Variants in PKHD1 observed in about 807,000 individuals in gnomAD.
PKHD1 encodes the protein PKHD1 ciliary IPT domain containing fibrocystin/polyductin.
In PKHD1, 291 loss-of-function variants were observed where a neutral mutation model predicts 412.0. The ratio of observed to expected loss-of-function variants is 0.71; its 90% CI spans 0.64 to 0.78. PKHD1 has a LOEUF of 0.78. PKHD1 is among the 30% of genes least tolerant of loss of function. The pLI is 0.00. For synonymous variants in PKHD1, 1,777 were observed against 1,821.5 expected, an observed-to-expected ratio of 0.98 and a Z score of 0.62; for missense variants, 4,825 against 4,950.7, an observed-to-expected ratio of 0.97 and a Z score of 0.76.
intron 46 of PKHD1, among the ~76,000 whole-genome samples, chr6:51,872,722 T>A (rs745508745): frequency 2.6e-5 from 4 of 152,098 alleles, no homozygotes; most frequent in Admixed American, 6.5e-5. Flanking sequence ...TTAAAACTAT[T>A]CAGCCTCAAG....
rs6921856 is a variant in PKHD1 at position 51,772,442 on chromosome 6, G to C, written c.8642+260C>G. ...AATTCATATATTTTAAGATTTTATGGACAGCAATAATTATGTATTATCTAA... is the reference window on the plus strand; with the variant it reads ...AATTCATATATTTTAAGATTTTATGCACAGCAATAATTATGTATTATCTAA... On this transcript the variant is annotated intron_variant, in intron 55 of 66. Transcript: ENST00000371117. Among the ~76,000 whole-genome samples the C allele has an allele frequency of 0.18, 27,941 of 151,406 alleles. 3,370 individuals are homozygous for C. The highest frequency in any genetic ancestry group is 0.34 in the African/African-American group (14,209 of 41,322).
chr6:51,979,017 C>T (rs1246146431), intron 35 of PKHD1, among the ~76,000 whole-genome samples: 1 of 152,150 alleles, frequency 6.6e-6, no homozygotes, highest in Non-Finnish European at 1.5e-5. Flanking sequence ...CCATTAATAT[C>T]AAGTTTACAG....
At chr6:51,686,183 C>A (rs1777413886) in intron 60 of PKHD1, among the ~76,000 whole-genome samples, 1 of 152,018 alleles carries the variant, frequency 6.6e-6, no homozygotes, top group Admixed American at 6.6e-5. Context: ...GGTTTTTGAA[C>A]CCTTAACTCA....
chr6:51,822,168 G>A (rs150313272), intron 52 of PKHD1, among the ~76,000 whole-genome samples: 144 of 152,274 alleles, frequency 9.5e-4, no homozygotes, highest in African/African-American at 3.4e-3. Flanking sequence ...TTAAAAGTCT[G>A]CTCATGGGCA....
rs750272645 is a variant in PKHD1 at position 51,619,292 on chromosome 6, T to G, written c.12014A>C (p.Gln4005Pro). The G allele has an allele frequency of 1.4e-5, 23 of 1,614,148 alleles. No individual in the cohort carries two copies. Among genetic ancestry groups the G allele is most frequent in the Non-Finnish European group, 1.9e-5 (22 of 1,180,050 alleles). ...GCCTGCCAGCTGGTATCTGAGCAACTGCTCTTGGCCCTCCTTCCAGTTCCC... is the reference window on the plus strand; with the variant it reads ...GCCTGCCAGCTGGTATCTGAGCAACGGCTCTTGGCCCTCCTTCCAGTTCCC... Reference protein sequence around the residue: ...ETGNWKEGQEQLLRYQLAGQN... With the variant: ...ETGNWKEGQEPLLRYQLAGQN... Residue 4005 changes from glutamine to proline, a missense_variant, in exon 67 of 67, where the codon CAG (glutamine) becomes CCG (proline). Gln to Pro is a moderately conservative substitution (Grantham distance 76, BLOSUM62 -1). Coordinates refer to ENST00000371117, the MANE Select transcript of PKHD1 (RefSeq NM_138694.4).
intron 50 of PKHD1, among the ~76,000 whole-genome samples, chr6:51,842,089 G>A (rs1770307900): frequency 1.3e-5 from 2 of 152,214 alleles, no homozygotes; most frequent in African/African-American, 4.8e-5. Context: ...CTTTATTCGT[G>A]GTGAGGCGGA....
chr6:51,981,970 G>T lies in PKHD1; in HGVS notation c.5752-21944C>A, dbSNP rs1453129552. 5.6e-5 allele frequency among the ~76,000 whole-genome samples: 4 copies of T among 72,024 alleles called. 1 individual carries two copies. Among genetic ancestry groups the T allele is most frequent in the African/African-American group, 1.5e-4 (4 of 26,922 alleles). The allele number at this position is 72,024 out of a possible 152,430, so 47.3% of individuals were successfully genotyped here. On this transcript the variant is annotated intron_variant, in intron 35 of 66. Transcript: ENST00000371117. ...ATGTGGGGAGCACCTCTGCCCCGCC[G>T]CCCTGTCTGGGATGTGAGGAGCGCC...
intron 60 of PKHD1, among the ~76,000 whole-genome samples, chr6:51,723,908 C>G (rs915576388): frequency 6.6e-6 from 1 of 152,170 alleles, no homozygotes; most frequent in Admixed American, 6.5e-5. Flanking sequence ...GAAACTGCCT[C>G]AGAACCAGGG....
chr6:51,743,666 A>G (rs1784839414), intron 60 of PKHD1, among the ~76,000 whole-genome samples: 1 of 152,216 alleles, frequency 6.6e-6, no homozygotes, highest in Non-Finnish European at 1.5e-5. Flanking sequence ...CAAAAATTTA[A>G]AAGGACAAGG....
At chr6:51,804,199 C>T (rs1221882961) in intron 52 of PKHD1, among the ~76,000 whole-genome samples, 1 of 151,230 alleles carries the variant, frequency 6.6e-6, no homozygotes, top group African/African-American at 2.5e-5. Context: ...TTGCTCATAA[C>T]TACCAAATGG....
chr6:52,012,301 C>T lies in PKHD1; in HGVS notation c.5601-1842G>A, dbSNP rs184643292. On this transcript the variant is annotated intron_variant, in intron 34 of 66. Transcript: ENST00000371117. ...CAATACGAATCCAATAAAGGCAGCT[C>T]GCGTTATAGCTGTTGGAGGTAGTAG... Among the ~76,000 whole-genome samples, 440 of 152,268 alleles carry T rather than the reference C, an allele frequency of 2.9e-3. 1 individual carries two copies. Among genetic ancestry groups the T allele is most frequent in the Non-Finnish European group, 3.7e-3 (254 of 68,020 alleles).
At chr6:51,735,789 C>G (rs560073476) in intron 60 of PKHD1, among the ~76,000 whole-genome samples, 1 of 151,978 alleles carries the variant, frequency 6.6e-6, no homozygotes, top group African/African-American at 2.4e-5. Context: ...AAAAAACTAG[C>G]CAGGTGTGGT....
intron 43 of PKHD1, among the ~76,000 whole-genome samples, chr6:51,897,110 C>T (rs1403399240): frequency 2.0e-5 from 3 of 152,014 alleles, no homozygotes; most frequent in African/African-American, 7.3e-5. Context: ...TCCAGGAGAA[C>T]TTCCCCAATC....
chr6:51,727,762 C>T (rs959114455), intron 60 of PKHD1, among the ~76,000 whole-genome samples: 3 of 152,170 alleles, frequency 2.0e-5, no homozygotes, highest in African/African-American at 7.2e-5. Context: ...TTGCTTCTTC[C>T]TGGCGTCTCC....
At chr6:51,791,124 C>T in intron 53 of PKHD1, 112 bp downstream of exon 53, 2 of 1,067,248 alleles carry the variant, frequency 1.9e-6, no homozygotes, top group South Asian at 2.5e-5. Context: ...ACTACCTTAA[C>T]CCTCCCTAAA....
At chr6:51,847,538 C>T (rs565378301) in intron 50 of PKHD1, among the ~76,000 whole-genome samples, 1 of 152,264 alleles carries the variant, frequency 6.6e-6, no homozygotes, top group Non-Finnish European at 1.5e-5. Context: ...TATGGTCATA[C>T]TTCTCTATAG....
chr6:51,905,442 G>C (rs1047078022), intron 41 of PKHD1, among the ~76,000 whole-genome samples: 4 of 152,180 alleles, frequency 2.6e-5, no homozygotes, highest in Non-Finnish European at 5.9e-5. Flanking sequence ...CTGGGAGAGA[G>C]AATGTTGCAA....
chr6:51,973,433 G>A (rs1381592274), intron 35 of PKHD1, among the ~76,000 whole-genome samples: 2 of 152,102 alleles, frequency 1.3e-5, no homozygotes, highest in African/African-American at 2.4e-5. Context: ...ATACACATAC[G>A]TTTATACCAA....
intron 60 of PKHD1, among the ~76,000 whole-genome samples, chr6:51,693,526 A>G (rs1346255928): frequency 6.6e-6 from 1 of 152,220 alleles, no homozygotes; most frequent in African/African-American, 2.4e-5. Flanking sequence ...TAAATAGTCC[A>G]TGTTATTTTT....
Sources: allele counts gnomAD v4.1 joint callset (sites outside exome capture counted in the v4.1 genomes callset), GRCh38; gene constraint gnomAD v4.1.1; transcripts MANE v1.5; gene names NCBI Gene and HGNC (gene_info 2026-07-23, HGNC 2026-07-21).